PCDH15: variants seen among roughly 807,000 people sequenced by gnomAD.
PCDH15 encodes the protein protocadherin-15.
PCDH15 carries 129 observed loss-of-function variants against 178.5 expected under a neutral mutation model. The observed-to-expected ratio is 0.72, with a 90% CI of 0.63 to 0.84. The LOEUF (loss-of-function observed/expected upper bound fraction) is 0.84, where lower values mean the gene tolerates loss of function less well. Among genes scored for constraint, PCDH15 ranks in the 40% least tolerant of loss-of-function variants. The pLI is 0.00. For synonymous variants in PCDH15, 800 were observed against 732.0 expected (o/e 1.09, Z -1.50); for missense variants, 2,230 against 2,099.9 (o/e 1.06, Z -1.21).
At chr10:55,123,752 C>T (rs565113306) in intron 2 of PCDH15, among the ~76,000 whole-genome samples, 13 of 152,252 alleles carry the variant, frequency 8.5e-5, no homozygotes, top group Admixed American at 3.9e-4. Flanking sequence ...AAGTGTGTCT[C>T]AGAACTTCCT....
At chr10:54,679,528 CTAAG>C (rs1314792240) in intron 1 of PCDH15, among the ~76,000 whole-genome samples, 22 of 152,328 alleles carry the variant, frequency 1.4e-4, no homozygotes, top group Non-Finnish European at 2.6e-4. Flanking sequence ...CTTCCACTAA[CTAAG>C]TATTAAATAC....
chr10:54,018,035 G>T (rs755041408), intron 20 of PCDH15, among the ~76,000 whole-genome samples: 5 of 152,076 alleles, frequency 3.3e-5, no homozygotes, highest in Non-Finnish European at 7.4e-5. Context: ...TATTTAGCAG[G>T]ATAACAATCA....
chr10:54,862,841 C>G (rs957686046), intron 3 of PCDH15, among the ~76,000 whole-genome samples: 1 of 152,104 alleles, frequency 6.6e-6, no homozygotes, highest in Admixed American at 6.6e-5. Context: ...CTTGAACTTT[C>G]CAGCCATCTG....
At chr10:54,242,394 T>C (rs933777879) in intron 8 of PCDH15, among the ~76,000 whole-genome samples, 4 of 151,536 alleles carry the variant, frequency 2.6e-5, no homozygotes, top group African/African-American at 4.8e-5. Context: ...GTTTAGCTTA[T>C]ATCAGGTTAA....
At chr10:55,186,183 C>A (rs1213680703) in intron 1 of PCDH15, among the ~76,000 whole-genome samples, 1 of 151,098 alleles carries the variant, frequency 6.6e-6, no homozygotes, top group East Asian at 1.9e-4. Flanking sequence ...AAATATAATG[C>A]AAATGATTTT....
At chr10:54,177,642 T>C (rs1326465410) in intron 13 of PCDH15, among the ~76,000 whole-genome samples, 1 of 151,978 alleles carries the variant, frequency 6.6e-6, no homozygotes, top group Non-Finnish European at 1.5e-5. Flanking sequence ...CATTCTAAAA[T>C]AGAAATTGCC....
intron 1 of PCDH15, among the ~76,000 whole-genome samples, chr10:55,223,915 A>G (rs1376903461): frequency 6.6e-6 from 1 of 152,164 alleles, no homozygotes; most frequent in Non-Finnish European, 1.5e-5. Context: ...ACTGAAGCAC[A>G]TACCCTCTAT....
intron 2 of PCDH15, among the ~76,000 whole-genome samples, chr10:55,556,669 A>G (rs1842096721): frequency 6.6e-6 from 1 of 151,828 alleles, no homozygotes; most frequent in Admixed American, 6.6e-5. Flanking sequence ...TGTCCCGCAA[A>G]GAAAAAAAAA....
rs1841219348 is a variant in PCDH15 at position 53,807,030 on chromosome 10, T to C, written c.4772A>G (p.His1591Arg). The C allele has an allele frequency of 6.2e-7, 1 of 1,613,724 alleles. No individual in the cohort carries two copies. The highest frequency in any genetic ancestry group is 8.5e-7 in the Non-Finnish European group (1 of 1,179,776). The change falls in exon 38 of 38, where the codon CAC (histidine) becomes CGC (arginine). Residue 1591 changes from histidine to arginine, a missense_variant. Physicochemically the swap from His to Arg is conservative, Grantham distance 29 (BLOSUM62 0). Coordinates refer to ENST00000644397, the MANE Select transcript of PCDH15 (RefSeq NM_001384140.1). ...SAPECQRNRL[H>R]HPSIHSNING... is the part of the protein sequence containing the mutation. ...GATATTACTGTGGATACTAGGATGG[T>C]GAAGACGGTTTCTCTGACATTCAGG... is the stretch of plus-strand genomic sequence containing the variant.
At chr10:55,107,628 A>G (rs1837389858) in intron 2 of PCDH15, among the ~76,000 whole-genome samples, 1 of 150,114 alleles carries the variant, frequency 6.7e-6, no homozygotes. Flanking sequence ...AGTAGCTTGT[A>G]TTGCAGGTGC....
At chr10:54,548,079 C>T (rs184064405) in intron 2 of PCDH15, among the ~76,000 whole-genome samples, 1,964 of 139,594 alleles carry the variant, frequency 0.014, 19 homozygotes, top group Non-Finnish European at 0.023. Flanking sequence ...CCAGCCTGGG[C>T]GACAGAGCGA....
chr10:55,327,216 C>A (rs1461454339), intron 2 of PCDH15, among the ~76,000 whole-genome samples: 1 of 152,058 alleles, frequency 6.6e-6, no homozygotes, highest in Non-Finnish European at 1.5e-5. Context: ...CAAAGTCAGC[C>A]ATCTATGAAC....
intron 2 of PCDH15, among the ~76,000 whole-genome samples, chr10:54,590,151 T>C (rs1273248715): frequency 6.6e-6 from 1 of 152,172 alleles, no homozygotes; most frequent in Non-Finnish European, 1.5e-5. Flanking sequence ...TTCCATTTAG[T>C]GAACTTTTAA....
intron 26 of PCDH15, among the ~76,000 whole-genome samples, chr10:53,890,936 TC>T (rs1194144740): frequency 2.0e-5 from 3 of 152,230 alleles, no homozygotes; most frequent in Non-Finnish European, 2.9e-5. Flanking sequence ...ATCATTTATT[TC>T]TTATGGCTTA....
intron 2 of PCDH15, among the ~76,000 whole-genome samples, chr10:55,021,371 C>T (rs569722266): frequency 1.3e-5 from 2 of 152,228 alleles, no homozygotes; most frequent in South Asian, 4.2e-4. Context: ...TTATTTTCCA[C>T]CAAAAAGTTA....
intron 16 of PCDH15, among the ~76,000 whole-genome samples, chr10:54,087,007 T>C (rs1021128658): frequency 3.3e-5 from 5 of 152,182 alleles, no homozygotes; most frequent in African/African-American, 7.2e-5. Flanking sequence ...GCAAAACTAG[T>C]AGCTCACTGG....
intron 2 of PCDH15, among the ~76,000 whole-genome samples, chr10:55,076,157 C>A (rs995753268): frequency 6.6e-6 from 1 of 152,016 alleles, no homozygotes; most frequent in Non-Finnish European, 1.5e-5. Flanking sequence ...TAACATATGG[C>A]CTATTCTAGA....
chr10:54,561,604 A>G (rs530594344), intron 2 of PCDH15, among the ~76,000 whole-genome samples: 1 of 152,234 alleles, frequency 6.6e-6, no homozygotes, highest in African/African-American at 2.4e-5. Flanking sequence ...GGAAGGAGAA[A>G]GGTCTCTTCA....
intron 2 of PCDH15, among the ~76,000 whole-genome samples, chr10:55,623,002 T>G (rs185978719): frequency 6.6e-6 from 1 of 152,294 alleles, no homozygotes; most frequent in Admixed American, 6.5e-5. Flanking sequence ...TTCTGAAGCA[T>G]CTCAAGTCCC....
Sources: gnomAD v4.1 joint callset for allele counts (sites outside exome capture counted in the v4.1 genomes callset) on GRCh38, gnomAD v4.1.1 for gene constraint, MANE v1.5 for transcripts, NCBI Gene and HGNC (gene_info 2026-07-23, HGNC 2026-07-21) for gene names.